Variants in TPRG1 observed in about 807,000 individuals in gnomAD.
TPRG1 encodes the protein tumor protein p63-regulated gene 1 protein.
Under a neutral mutation model 29.3 loss-of-function variants are expected in TPRG1, and 29 were observed. The ratio of observed to expected loss-of-function variants is 0.99; its 90% confidence interval spans 0.74 to 1.35. The LOEUF (loss-of-function observed/expected upper bound fraction) is 1.35, where lower values mean the gene tolerates loss of function less well. TPRG1 is among the 40% of genes most tolerant of loss of function. The pLI is 0.00. For synonymous variants in TPRG1, 130 were observed against 116.8 expected (o/e 1.11, Z -0.73); for missense variants, 327 against 335.0 (o/e 0.98, Z 0.19).
intron 1 of TPRG1, among the ~76,000 whole-genome samples, chr3:189,113,284 G>A (rs1030661900): frequency 1.4e-4 from 22 of 152,260 alleles, no homozygotes; most frequent in South Asian, 6.2e-4. Context: ...GGGCTGAGAC[G>A]ATGGGGTTTT....
intron 3 of TPRG1, among the ~76,000 whole-genome samples, chr3:189,018,365 T>C (rs1005848859): frequency 6.7e-6 from 1 of 150,280 alleles, no homozygotes; most frequent in African/African-American, 2.5e-5. Flanking sequence ...TGGTTTTAGG[T>C]CTAACGTTTA....
chr3:189,019,339 G>T (rs891077101), intron 3 of TPRG1, among the ~76,000 whole-genome samples: 35 of 152,112 alleles, frequency 2.3e-4, no homozygotes, highest in Non-Finnish European at 4.6e-4. Flanking sequence ...TCCAGTTTTT[G>T]CCCATTCAGT....
chr3:189,215,962 C>G (rs1578864689), intron 3 of TPRG1, among the ~76,000 whole-genome samples: 1 of 152,074 alleles, frequency 6.6e-6, no homozygotes, highest in Admixed American at 6.6e-5. Flanking sequence ...TTATCTTATC[C>G]ATAAGAGCTT....
chr3:189,234,786 G>C (rs1739197444), intron 3 of TPRG1, among the ~76,000 whole-genome samples: 1 of 152,200 alleles, frequency 6.6e-6, no homozygotes, highest in South Asian at 2.1e-4. Context: ...CATTAATTAT[G>C]TAATCATAGA....
intron 4 of TPRG1, among the ~76,000 whole-genome samples, chr3:189,289,047 G>T (rs544144908): frequency 3.9e-5 from 6 of 152,204 alleles, no homozygotes; most frequent in Admixed American, 1.3e-4. Context: ...AACCTGGGCT[G>T]AAAAAAGCTG....
chr3:189,304,112 T>G (rs1721253630), intron 4 of TPRG1, among the ~76,000 whole-genome samples: 1 of 121,690 alleles, frequency 8.2e-6, no homozygotes, highest in Non-Finnish European at 1.7e-5. Flanking sequence ...TTGGGTTAAC[T>G]CTTGTTTTTT....
At chr3:189,284,538 CA>C (rs1717726134) in intron 4 of TPRG1, among the ~76,000 whole-genome samples, 1 of 152,074 alleles carries the variant, frequency 6.6e-6, no homozygotes, top group African/African-American at 2.4e-5. Flanking sequence ...GTGAACTCAT[CA>C]TTTTTTATGG....
intron 1 of TPRG1, among the ~76,000 whole-genome samples, chr3:189,180,076 A>T (rs967485717): frequency 6.6e-6 from 1 of 152,106 alleles, no homozygotes; most frequent in African/African-American, 2.4e-5. Flanking sequence ...TTGCAGGGGA[A>T]TTCCTCTTTT....
rs57386934 is a variant in TPRG1 at position 189,274,935 on chromosome 3, AGTGTGTGTGTGT to A, written c.480-35418_480-35407del. 1.1e-3 allele frequency among the ~76,000 whole-genome samples: 156 copies of A among 137,732 alleles called. 2 individuals carry two copies. Among genetic ancestry groups the A allele is most frequent in the Admixed American group, 3.1e-3 (43 of 13,712 alleles). The allele number at this position is 137,732 out of a possible 152,430, so 90.4% of individuals were successfully genotyped here. A position where few individuals can be genotyped will look rare whatever the true frequency, so the allele number is the denominator to read the frequency against. On this transcript the variant is annotated intron_variant, in intron 4 of 5. Coordinates refer to ENST00000345063, the MANE Select transcript of TPRG1 (RefSeq NM_198485.4). ...AAGGGCATTTCTTGATAATGTAATG[AGTGTGTGTGTGT>A]GTGTGTGTGTGTGTGTGTGTGTGTG...
Position 189,321,339 on chromosome 3 carries a change from G to A in TPRG1, c.*519G>A, listed in dbSNP as rs1185864562. On this transcript the variant is annotated 3_prime_UTR_variant, in exon 6 of 6. Coordinates refer to ENST00000345063, the MANE Select transcript of TPRG1 (RefSeq NM_198485.4). ...CTGACTGCTAATCATCTATATATCA[G>A]TGTCCCAGTGGCCTCTTAATTGAGC... is the stretch of plus-strand genomic sequence containing the variant. 1 of 151,872 alleles carries A rather than the reference G, an allele frequency of 6.6e-6. No homozygotes were observed. The highest frequency in any genetic ancestry group is 2.4e-5 in the African/African-American group (1 of 41,348). 9.4% of individuals were successfully genotyped at this position (151,872 alleles called of 1,614,324 possible). A position where few individuals can be genotyped will look rare whatever the true frequency, so the allele number is the denominator to read the frequency against.
intron 1 of TPRG1, among the ~76,000 whole-genome samples, chr3:189,202,140 GAAAC>G (rs1278535126): frequency 2.6e-5 from 4 of 152,150 alleles, no homozygotes; most frequent in Non-Finnish European, 4.4e-5. Flanking sequence ...ACTTCTCTGA[GAAAC>G]AAACATTTAC....
intron 3 of TPRG1, among the ~76,000 whole-genome samples, chr3:189,017,336 G>A (rs982037252): frequency 6.6e-5 from 10 of 151,580 alleles, no homozygotes; most frequent in South Asian, 6.2e-4. Flanking sequence ...CCACTAACTC[G>A]TCATCTAGCA....
intron 4 of TPRG1, among the ~76,000 whole-genome samples, chr3:189,274,442 T>A (rs1302158811): frequency 6.6e-6 from 1 of 152,172 alleles, no homozygotes; most frequent in Non-Finnish European, 1.5e-5. Context: ...AGCCACTCTT[T>A]CTTGGGAGTT....
chr3:189,088,329 CTTGTGATTTTTGCACATTGATTTTG>C (rs1718100829), intron 4 of TPRG1, among the ~76,000 whole-genome samples: 1 of 152,170 alleles, frequency 6.6e-6, no homozygotes, highest in African/African-American at 2.4e-5. Flanking sequence ...TATAAGAATG[CTTGTGATTTTTGCACATTGATTTTG>C]TATCCTGAGA....
rs1011067340 is a variant in TPRG1 at position 189,002,999 on chromosome 3, A to G, written c.-877-1544A>G. On this transcript the variant is annotated intron_variant, in intron 2 of 10. Coordinates refer to the TPRG1 transcript ENST00000433971. ...AAGAACTCAATAAATATTAGCTATT[A>G]ATAATTTTAAAATGGCTTCCGAGTC... is the stretch of plus-strand genomic sequence containing the variant. Among the ~76,000 whole-genome samples, 5 of 152,306 alleles carry G rather than the reference A, an allele frequency of 3.3e-5. No homozygotes were observed. In the East Asian group the frequency reaches 9.7e-4, roughly 29 times the overall value.
At chr3:189,302,744 T>A (rs1428787079) in intron 4 of TPRG1, among the ~76,000 whole-genome samples, 4 of 152,230 alleles carry the variant, frequency 2.6e-5, no homozygotes, top group African/African-American at 9.6e-5. Context: ...TTAAATGGCA[T>A]CTGAGAAAAC....
chr3:189,001,263 A>AAACAACAAC (rs756559234), intron 2 of TPRG1, among the ~76,000 whole-genome samples: 1 of 152,176 alleles, frequency 6.6e-6, no homozygotes, highest in Admixed American at 6.5e-5. Context: ...CACAACAATA[A>AAACAACAAC]AACAACAACA....
intron 5 of TPRG1, among the ~76,000 whole-genome samples, chr3:189,166,263 C>A (rs995648035): frequency 6.6e-6 from 1 of 152,196 alleles, no homozygotes; most frequent in Non-Finnish European, 1.5e-5. Flanking sequence ...TCCTATGGTC[C>A]AAACTCAAGT....
chr3:189,140,881 A>C (rs1201054556), intron 3 of TPRG1, among the ~76,000 whole-genome samples: 1 of 152,122 alleles, frequency 6.6e-6, no homozygotes, highest in East Asian at 1.9e-4. Flanking sequence ...TGTCCGCGCC[A>C]ATCTTGATTT....
Sources: gnomAD v4.1 joint callset for allele counts (sites outside exome capture counted in the v4.1 genomes callset) on GRCh38, gnomAD v4.1.1 for gene constraint, MANE v1.5 for transcripts, NCBI Gene and HGNC (gene_info 2026-07-23, HGNC 2026-07-21) for gene names.